The following NR2F2 variants were observed in gnomAD, a reference collection of about 807,000 sequenced individuals.
NR2F2 encodes COUP transcription factor 2.
In NR2F2, 2 loss-of-function variants were observed where a neutral mutation model predicts 34.8. The observed-to-expected ratio is 0.06, with a 90% confidence interval of 0.02 to 0.18. The LOEUF (loss-of-function observed/expected upper bound fraction) is 0.18. NR2F2 is among the 10% of genes least tolerant of loss of function. The probability of loss-of-function intolerance (pLI) is 1.00; values close to 1 mark genes in which losing one functional copy is unlikely to be tolerated. For synonymous variants in NR2F2, 274 were observed against 251.8 expected, an observed-to-expected ratio of 1.09 and a Z score of -0.84; for missense variants, 300 against 580.1, an observed-to-expected ratio of 0.52 and a Z score of 4.96.
In NR2F2 at chr15:96,332,189, C is replaced by T. The variant is rs1230304907; in HGVS notation, c.84C>T (p.Pro28=). 1 of 1,331,348 alleles carries T rather than the reference C, an allele frequency of 7.5e-7. No individual in the cohort carries two copies. Among genetic ancestry groups the T allele is most frequent in the Non-Finnish European group, 9.6e-7 (1 of 1,043,254 alleles). The allele number at this position is 1,331,348 out of a possible 1,614,324, so 82.5% of individuals were successfully genotyped here. The stretch of plus-strand genomic sequence containing the variant: ...GCAGCCAGGCCTCGCAGGCGCCGCC[C>T]GTGCCCGGCCCGCCGCCCGGCGCCC... ...SQGSQASQAP[P]VPGPPPGAPH... is the part of the protein sequence containing the mutation. Residue 28 remains proline (P), a synonymous_variant, in exon 1 of 3, where the codon CCC becomes CCT. Coordinates refer to ENST00000394166, the MANE Select transcript of NR2F2 (RefSeq NM_021005.4).
At chr15:96,330,207 C>T (rs1205143797), upstream of NR2F2, among the ~76,000 whole-genome samples, 7 of 152,166 alleles carry the variant, frequency 4.6e-5, no homozygotes, top group Non-Finnish European at 7.4e-5. Flanking sequence ...GGTGCGCGAG[C>T]GGCGGAATTC....
rs201527820 is a variant in NR2F2, at chr15:96,337,611, G to T, written c.1234G>T (p.Ala412Ser). 1.3e-5 allele frequency: 21 copies of T among 1,611,364 alleles called. No individual in the cohort carries two copies. The highest frequency in any genetic ancestry group is 1.7e-4 in the Middle Eastern group (1 of 6,044). Residue 412 changes from alanine to serine, a missense_variant, in exon 3 of 3, where the codon GCA becomes TCA. Physicochemically the swap from Ala to Ser is moderately conservative, Grantham distance 99 (BLOSUM62 1). Transcript: ENST00000394166. ...CAGCAGTTTTAACTGGCCGTATATG[G>T]CAATTCAATAAATAAATAAAATAAG... The part of the protein sequence containing the change: ...SGSSFNWPYM[A>S]IQ
Position 96,331,574 on chromosome 15 carries a change from T to TTCC in NR2F2, c.-507_-505dup, listed in dbSNP as rs75102826. ...CCTCCTCCTTCACCACCACCTCCTC[T>TTCC]TCCTCCTCCTCCTCCTCCTCCTCCT... On this transcript the variant is annotated 5_prime_UTR_variant, in exon 1 of 3. Transcript: ENST00000394166. 42,097 of 1,190,454 alleles carry TTCC rather than the reference T, an allele frequency of 0.035. 484 individuals are homozygous for TTCC. The highest frequency in any genetic ancestry group is 0.038 in the Non-Finnish European group (36,539 of 958,214). 73.7% of individuals were successfully genotyped at this position (1,190,454 alleles called of 1,614,324 possible). A position where few individuals can be genotyped will look rare whatever the true frequency, so the allele number is the denominator to read the frequency against.
At chr15:96,332,642 G>A in intron 1 of NR2F2, 95 bp downstream of exon 1, 2 of 1,511,680 alleles carry the variant, frequency 1.3e-6, no homozygotes, top group Non-Finnish European at 8.9e-7. Context: ...GAAGCCCCAA[G>A]CTCTTCTCTT....
upstream of NR2F2, among the ~76,000 whole-genome samples, chr15:96,328,375 A>G (rs1596419697): frequency 6.6e-6 from 1 of 152,348 alleles, no homozygotes; most frequent in South Asian, 2.1e-4. Flanking sequence ...TGTTTGTAAA[A>G]GGTAATCTGC....
chr15:96,333,339 C>G (rs1389744088), intron 1 of NR2F2: 51 of 1,001,744 alleles, frequency 5.1e-5, no homozygotes, highest in Non-Finnish European at 6.1e-5. Flanking sequence ...GCGACTCTCC[C>G]GGTCCGGAGT....
chr15:96,336,179 T>C (rs943916387), intron 2 of NR2F2, among the ~76,000 whole-genome samples: 1 of 152,218 alleles, frequency 6.6e-6, no homozygotes, highest in African/African-American at 2.4e-5. Flanking sequence ...GATACTGTCG[T>C]TAACAGTTTA....
chr15:96,337,326 C>G (rs542591772), intron 2 of NR2F2, 22 bp from the exon 3 acceptor site: 1 of 1,596,286 alleles, frequency 6.3e-7, no homozygotes, highest in Non-Finnish European at 8.5e-7. Context: ...TCTTCTTCTT[C>G]TGTTTTTAAA....
Position 96,334,614 on chromosome 15 carries a change from G to C in NR2F2, c.970+11G>C, listed in dbSNP as rs753513812. The C allele has an allele frequency of 1.3e-6, 2 of 1,577,234 alleles. No individual in the cohort carries two copies. The highest frequency in any genetic ancestry group is 1.4e-5 in the African/African-American group (1 of 73,626). ...TCCTGTTCACCTCAGGTAGGAAGGA[G>C]CCCTGTCTTCTCGTGCCCACGGGCT... On this transcript the variant is annotated intron_variant, in intron 2 of 2. Transcript: ENST00000394166.
rs780916977 is a variant in NR2F2, at chr15:96,334,249, A to C, written c.616A>C (p.Ile206Leu). 22 of 1,614,014 alleles carry C rather than the reference A, an allele frequency of 1.4e-5. No homozygotes were observed. The highest frequency in any genetic ancestry group is 1.8e-5 in the Non-Finnish European group (21 of 1,180,034). Residue 206 changes from isoleucine to leucine, a missense_variant, in exon 2 of 3, where the codon ATC becomes CTC. Ile to Leu is a conservative substitution (Grantham distance 5). This residue lies in a region of NR2F2 where 164 missense variants were observed against 365.3 expected (regional missense o/e 0.45). Transcript: ENST00000394166. ...CAGCCAATGCATGCAGCCCAACAAC[A>C]TCATGGGTATCGAGAACATTTGCGA... ...FGSQCMQPNN[I>L]MGIENICELA...
In NR2F2 at chr15:96,332,225, A is replaced by G. The variant is rs1405145258; in HGVS notation, c.120A>G (p.Pro40=). ...PGPPPGAPHT[P]QTPGQGGPAS... ...CGCCGCCCGGCGCCCCGCACACGCC[A>G]CAGACGCCCGGCCAAGGGGGCCCAG... The change falls in exon 1 of 3, where the codon CCA becomes CCG. Residue 40 remains proline, a synonymous_variant. Coordinates refer to ENST00000394166, the MANE Select transcript of NR2F2 (RefSeq NM_021005.4). 1.2e-5 allele frequency: 18 copies of G among 1,528,712 alleles called. No homozygotes were observed. Among genetic ancestry groups the G allele is most frequent in the Middle Eastern group, 3.8e-4 (2 of 5,220 alleles). The allele number at this position is 1,528,712 out of a possible 1,614,324, so 94.7% of individuals were successfully genotyped here.
Position 96,331,985 on chromosome 15 carries a change from C to T in NR2F2, c.-121C>T. 8.2e-7 allele frequency: 1 copy of T among 1,213,994 alleles called. No homozygotes were observed. Among genetic ancestry groups the T allele is most frequent in the Non-Finnish European group, 1.0e-6 (1 of 976,308 alleles). The allele number at this position is 1,213,994 out of a possible 1,614,324, so 75.2% of individuals were successfully genotyped here. A position where few individuals can be genotyped will look rare whatever the true frequency, so the allele number is the denominator to read the frequency against. ...GCCACCCGGGGCGCCCTCCCGCGCC[C>T]TCTTGCACCCTCGCACACACAAAAG... On this transcript the variant is annotated 5_prime_UTR_variant, in exon 1 of 3. Transcript: ENST00000394166.
At chr15:96,328,111 T>C (rs1201609127), upstream of NR2F2, among the ~76,000 whole-genome samples, 1 of 152,238 alleles carries the variant, frequency 6.6e-6, no homozygotes, top group Non-Finnish European at 1.5e-5. Context: ...GCATTAAAAT[T>C]AAGTATAATT....
At position 96,331,513 on chromosome 15, in the gene NR2F2, C is replaced by G; in HGVS notation, c.-593C>G. ...ATGGCTGACTGTGGGCTGCCCTGGACTTGGCCCCCGGACAGTCGCCTCTCC... is the reference window on the plus strand; with the variant it reads ...ATGGCTGACTGTGGGCTGCCCTGGAGTTGGCCCCCGGACAGTCGCCTCTCC... On this transcript the variant is annotated 5_prime_UTR_variant, in exon 1 of 3. Coordinates refer to ENST00000394166, the MANE Select transcript of NR2F2 (RefSeq NM_021005.4). 8.1e-7 allele frequency: 1 copy of G among 1,231,050 alleles called. No individual in the cohort carries two copies. Among genetic ancestry groups the G allele is most frequent in the Non-Finnish European group, 1.0e-6 (1 of 987,776 alleles). The allele number at this position is 1,231,050 out of a possible 1,614,324, so 76.3% of individuals were successfully genotyped here.
At chr15:96,329,715 G>C (rs1301692991), upstream of NR2F2, among the ~76,000 whole-genome samples, 1 of 152,168 alleles carries the variant, frequency 6.6e-6, no homozygotes, top group Admixed American at 6.5e-5. Context: ...CTGTCCATCA[G>C]TGGGCAGAGG....
intron 2 of NR2F2, among the ~76,000 whole-genome samples, chr15:96,335,107 A>G (rs1899284840): frequency 6.6e-6 from 1 of 152,238 alleles, no homozygotes; most frequent in South Asian, 2.1e-4. Flanking sequence ...GAGGGCAGCA[A>G]TTTTCAAAAT....
Position 96,334,383 on chromosome 15 carries a change from C to T in NR2F2, c.750C>T (p.Ser250=). ...TGGCCCTGCTTCGCCTCACCTGGAG[C>T]GAGCTGTTTGTGTTGAATGCGGCGC... ...DQVALLRLTW[S]ELFVLNAAQC... is the part of the protein sequence containing the mutation. The change falls in exon 2 of 3, where the codon AGC becomes AGT. Residue 250 remains serine, a synonymous_variant. Coordinates refer to ENST00000394166, the MANE Select transcript of NR2F2 (RefSeq NM_021005.4). 6.2e-7 allele frequency: 1 copy of T among 1,614,160 alleles called. No homozygotes were observed. The highest frequency in any genetic ancestry group is 1.3e-5 in the African/African-American group (1 of 75,054).
At chr15:96,333,478 C>CTCTCCGCCCTCTCCCTCCGTCTCTT in intron 1 of NR2F2, 1 of 1,003,674 alleles carries the variant, frequency 1.0e-6, no homozygotes, top group Non-Finnish European at 1.2e-6. Flanking sequence ...CGGCCTCTCT[C>CTCTCCGCCCTCTCCCTCCGTCTCTT]TCTCCGCCCT....
intron 1 of NR2F2, among the ~76,000 whole-genome samples, chr15:96,332,858 T>C (rs1045245877): frequency 6.6e-6 from 1 of 151,650 alleles, no homozygotes; most frequent in African/African-American, 2.4e-5. Context: ...AAAGCCTAGT[T>C]TACTTCTCTC....
Sources: gnomAD v4.1 joint callset for allele counts (sites outside exome capture counted in the v4.1 genomes callset) on GRCh38, gnomAD v4.1.1 for gene constraint, gnomAD v4.1.1 regional missense constraint, MANE v1.5 for transcripts, NCBI Gene and HGNC (gene_info 2026-07-23, HGNC 2026-07-21) for gene names.